The following SMCO2 variants were observed in gnomAD, a reference collection of about 807,000 sequenced individuals.
SMCO2 encodes single-pass membrane protein with coiled-coil domains 2, also known as single-pass membrane and coiled-coil domain-containing protein 2.
SMCO2 carries 25 observed loss-of-function variants against 29.5 expected under a neutral mutation model. That is an observed-to-expected ratio of 0.85 (90% CI 0.62 to 1.18). SMCO2 has a LOEUF of 1.18. Ranked by LOEUF, SMCO2 falls within the 50% of genes most tolerant of loss-of-function variation. The pLI, the probability that SMCO2 is intolerant of heterozygous loss-of-function variation, is 0.00. For synonymous variants in SMCO2, 117 were observed against 123.3 expected, an observed-to-expected ratio of 0.95 and a Z score of 0.34; for missense variants, 348 against 344.5, an observed-to-expected ratio of 1.01 and a Z score of -0.08.
chr12:27,441,272 TAAAG>T, the SMCO2 span, among the ~76,000 whole-genome samples: 1 of 151,860 alleles, frequency 6.6e-6, no homozygotes, highest in Non-Finnish European at 1.5e-5. Flanking sequence ...AAAATAATAA[TAAAG>T]AAGGCATAGA....
rs1484377460 is a variant in SMCO2 at position 27,477,631 on chromosome 12, A to ATCCTTTT, written c.362+2719_362+2720insCCTTTTT. Among the ~76,000 whole-genome samples, 582 of 80,932 alleles carry ATCCTTTT rather than the reference A, an allele frequency of 7.2e-3. 4 individuals carry two copies. Among genetic ancestry groups the ATCCTTTT allele is most frequent in the African/African-American group, 0.04 (546 of 13,760 alleles). 53.1% of individuals were successfully genotyped at this position (80,932 alleles called of 152,430 possible). A position where few individuals can be genotyped will look rare whatever the true frequency, so the allele number is the denominator to read the frequency against. On this transcript the variant is annotated intron_variant, in intron 4 of 7. Coordinates refer to ENST00000298876, the Ensembl canonical transcript of SMCO2. ...GGTAGGGCTTTCTTCATTCTTTTTC[A>ATCCTTTT]TTCTTTTTTTTTTTTTTTTGGCTGA...
chr12:27,466,202 C>G (rs143973795), upstream of SMCO2, among the ~76,000 whole-genome samples: 1 of 151,970 alleles, frequency 6.6e-6, no homozygotes. Context: ...TGGGTGGATC[C>G]CTTGAGGTCA....
the SMCO2 span, among the ~76,000 whole-genome samples, chr12:27,437,395 G>A: frequency 1.3e-5 from 2 of 151,950 alleles, no homozygotes; most frequent in African/African-American, 4.8e-5. Context: ...TATCATTGAC[G>A]ATGTCCAGTT....
chr12:27,488,645 G>C (rs1199207983), intron 5 of SMCO2, 98 bp downstream of exon 6: 2 of 865,788 alleles, frequency 2.3e-6, no homozygotes, highest in African/African-American at 3.6e-5. Context: ...CAAGAAGTAA[G>C]ACTCATAAGC....
the SMCO2 span, chr12:27,425,119 T>G: frequency 1.3e-5 from 2 of 152,170 alleles, no homozygotes; most frequent in Non-Finnish European, 2.9e-5. Flanking sequence ...TATTCTTGAG[T>G]TTAGATTTGT....
the SMCO2 span, among the ~76,000 whole-genome samples, chr12:27,452,293 G>A: frequency 5.3e-5 from 8 of 152,160 alleles, no homozygotes; most frequent in Non-Finnish European, 7.4e-5. Context: ...ATCCATTAAC[G>A]GAATAACATA....
upstream of SMCO2, among the ~76,000 whole-genome samples, chr12:27,464,642 A>G (rs1049589568): frequency 6.8e-6 from 1 of 146,412 alleles, no homozygotes; most frequent in Non-Finnish European, 1.5e-5. Context: ...GCTTGAGCCC[A>G]GGAGGTCGAA....
chr12:27,466,245 A>C (rs1949497610), upstream of SMCO2, among the ~76,000 whole-genome samples: 2 of 152,122 alleles, frequency 1.3e-5, no homozygotes, highest in Admixed American at 1.3e-4. Context: ...AACATGGTGA[A>C]ACTCTGTCTC....
At chr12:27,429,478 CA>C in the SMCO2 span, among the ~76,000 whole-genome samples, 109,663 of 147,156 alleles carry the variant, frequency 0.75, 40,848 homozygotes, top group Middle Eastern at 0.9. Context: ...CATAAAATTA[CA>C]AAAAAAAAAA....
At chr12:27,463,656 G>A (rs11049019), upstream of SMCO2, among the ~76,000 whole-genome samples, 6,093 of 152,238 alleles carry the variant, frequency 0.04, 166 homozygotes, top group Middle Eastern at 0.078. Context: ...TCAAATAAGT[G>A]CGAGAAACAA....
the SMCO2 span, among the ~76,000 whole-genome samples, chr12:27,449,600 G>A: frequency 1.3e-5 from 2 of 152,146 alleles, no homozygotes; most frequent in Non-Finnish European, 2.9e-5. Flanking sequence ...GCCTTGGATT[G>A]AGTTAAAGGT....
At chr12:27,454,637 A>C in the SMCO2 span, among the ~76,000 whole-genome samples, 4 of 152,198 alleles carry the variant, frequency 2.6e-5, no homozygotes, top group African/African-American at 9.7e-5. Flanking sequence ...CAGGTTTGTT[A>C]CATAGGCATA....
At chr12:27,448,724 T>G in the SMCO2 span, among the ~76,000 whole-genome samples, 1 of 152,184 alleles carries the variant, frequency 6.6e-6, no homozygotes, top group Non-Finnish European at 1.5e-5. Context: ...ATAATCAGCT[T>G]AATATGTACT....
chr12:27,482,351 G>A (rs1049341092), intron 4 of SMCO2, among the ~76,000 whole-genome samples: 3 of 152,160 alleles, frequency 2.0e-5, no homozygotes, highest in Non-Finnish European at 4.4e-5. Context: ...GCCCAAGCTG[G>A]AGTGCAATAG....
At chr12:27,475,003 G>C in intron 4 of SMCO2, 90 bp downstream of exon 4, 1 of 1,443,214 alleles carries the variant, frequency 6.9e-7, no homozygotes, top group Non-Finnish European at 9.3e-7. Context: ...AAGTCTGGAA[G>C]ATTTAAAATC....
chr12:27,464,740 G>C (rs1273995315), upstream of SMCO2, among the ~76,000 whole-genome samples: 1 of 108,634 alleles, frequency 9.2e-6, no homozygotes, highest in Non-Finnish European at 1.9e-5. Context: ...AAAAAAAAAA[G>C]TCTGGGCGTG....
the SMCO2 span, among the ~76,000 whole-genome samples, chr12:27,428,764 C>T: frequency 2.0e-5 from 3 of 150,064 alleles, no homozygotes; most frequent in African/African-American, 7.4e-5. Context: ...TACTCCTGTC[C>T]AGGAGGAAAC....
At chr12:27,499,712 T>C (rs1943054881) in intron 7 of SMCO2, among the ~76,000 whole-genome samples, 1 of 150,904 alleles carries the variant, frequency 6.6e-6, no homozygotes, top group African/African-American at 2.5e-5. Context: ...TTTTCTCACA[T>C]GATTACATTC....
the SMCO2 span, among the ~76,000 whole-genome samples, chr12:27,436,904 T>C: frequency 1.5e-4 from 23 of 152,296 alleles, no homozygotes; most frequent in Admixed American, 1.5e-3. Flanking sequence ...TTTTTCACTC[T>C]CTTCAAACTT....
Sources: allele counts gnomAD v4.1 joint callset (sites outside exome capture counted in the v4.1 genomes callset), GRCh38; gene constraint gnomAD v4.1.1; transcripts MANE v1.5; gene names NCBI Gene and HGNC (gene_info 2026-07-23, HGNC 2026-07-21).